Variants in ZNF493 observed in about 807,000 individuals in gnomAD.
ZNF493 encodes the protein zinc finger protein 493.
ZNF493 carries 11 observed loss-of-function variants against 12.2 expected under a neutral mutation model. The ratio of observed to expected loss-of-function variants is 0.90; its 90% CI spans 0.57 to 1.50. The LOEUF (loss-of-function observed/expected upper bound fraction) is 1.50. Ranked by LOEUF, ZNF493 falls within the 40% of genes most tolerant of loss-of-function variation. ZNF493 has a pLI of 0.00. For missense variants in ZNF493, 950 were observed against 906.6 expected (o/e 1.05, Z -0.61); for synonymous variants, 286 against 302.6 (o/e 0.95, Z 0.57).
intron 1 of ZNF493, chr19:21,398,180 TA>T (rs1974203564): frequency 6.5e-6 from 1 of 152,838 alleles, no homozygotes; most frequent in African/African-American, 2.4e-5. Context: ...CTGACGTTCC[TA>T]AATGCCACCT....
Position 21,425,781 on chromosome 19 carries a change from G to C in ZNF493, c.*797G>C, listed in dbSNP as rs1054613757. 2 of 581,776 alleles carry C rather than the reference G, an allele frequency of 3.4e-6. No individual in the cohort carries two copies. Among genetic ancestry groups the C allele is most frequent in the African/African-American group, 3.8e-5 (2 of 52,796 alleles). 36.0% of individuals were successfully genotyped at this position (581,776 alleles called of 1,614,324 possible). On this transcript the variant is annotated 3_prime_UTR_variant, in exon 4 of 4. Coordinates refer to ENST00000392288, the MANE Select transcript of ZNF493 (RefSeq NM_001076678.3). The stretch of plus-strand genomic sequence containing the variant: ...TACTGGAGAAAAATCTTACAAATGT[G>C]AAGAATGTGGCAAAGCCTTTATCCA...
At chr19:21,404,953 G>A (rs545304000) in intron 1 of ZNF493, among the ~76,000 whole-genome samples, 176 bp from the exon 2 acceptor site, 9 of 149,774 alleles carry the variant, frequency 6.0e-5, no homozygotes, top group African/African-American at 2.2e-4. Context: ...TTCTCTCAGA[G>A]TTAGAGAATA....
chr19:21,417,077 C>T (rs1372839591), intron 3 of ZNF493, among the ~76,000 whole-genome samples: 4 of 152,158 alleles, frequency 2.6e-5, no homozygotes, highest in South Asian at 2.1e-4. Flanking sequence ...GGGCCTGAGA[C>T]AGGCCCCTCA....
Position 21,425,169 on chromosome 19 carries a change from A to T in ZNF493, c.*185A>T, listed in dbSNP as rs1318133401. 2 of 757,988 alleles carry T rather than the reference A, an allele frequency of 2.6e-6. No individual in the cohort carries two copies. Among genetic ancestry groups the T allele is most frequent in the Non-Finnish European group, 4.4e-6 (2 of 451,632 alleles). The allele number at this position is 757,988 out of a possible 1,614,324, so 47.0% of individuals were successfully genotyped here. A position where few individuals can be genotyped will look rare whatever the true frequency, so the allele number is the denominator to read the frequency against. The stretch of plus-strand genomic sequence containing the variant: ...CCTTACTAAATATAAGATAATTCAT[A>T]TTGGAGAGAAATTCTACAGATGTGA... On this transcript the variant is annotated 3_prime_UTR_variant, in exon 4 of 4. Transcript: ENST00000392288.
chr19:21,404,918 G>T (rs1227554319), intron 1 of ZNF493, among the ~76,000 whole-genome samples: 1 of 148,966 alleles, frequency 6.7e-6, no homozygotes, highest in Non-Finnish European at 1.5e-5. Flanking sequence ...ATATACAGTG[G>T]TGTTGTAGAT....
chr19:21,417,741 T>C (rs995708627), intron 3 of ZNF493, among the ~76,000 whole-genome samples: 1 of 152,120 alleles, frequency 6.6e-6, no homozygotes, highest in South Asian at 2.1e-4. Flanking sequence ...AATTTGAGGA[T>C]GGGCCTGGGT....
chr19:21,405,517 T>C lies in ZNF493; in HGVS notation c.158-244T>C. ...TTCAGAAATTTAGTAGTATAAAATA[T>C]TGTTGTCCATATGTTAAAATCTATA... is the stretch of plus-strand genomic sequence containing the variant. On this transcript the variant is annotated intron_variant, in intron 2 of 3. Coordinates refer to ENST00000392288, the MANE Select transcript of ZNF493 (RefSeq NM_001076678.3). 3 of 1,331,448 alleles carry C rather than the reference T, an allele frequency of 2.3e-6. No homozygotes were observed. In the South Asian group the frequency reaches 6.0e-5, roughly 27 times the overall value. The allele number at this position is 1,331,448 out of a possible 1,614,324, so 82.5% of individuals were successfully genotyped here.
At chr19:21,413,059 T>C in intron 3 of ZNF493, 1 of 293,514 alleles carries the variant, frequency 3.4e-6, no homozygotes, top group Non-Finnish European at 6.6e-6. Context: ...GACTGAGAGG[T>C]GCAATTTAAG....
chr19:21,424,611 A>G lies in ZNF493; in HGVS notation c.1952A>G (p.His651Arg), dbSNP rs534555342. ...CACCTCGCTGGGCACAAGCAAATTCATAGTGTACAAAAACCCTACAAATGT... is the reference window on the plus strand; with the variant it reads ...CACCTCGCTGGGCACAAGCAAATTCGTAGTGTACAAAAACCCTACAAATGT... Reference protein sequence around the residue: ...SSHLAGHKQIHSVQKPYKCEE... With the variant: ...SSHLAGHKQIRSVQKPYKCEE... Residue 651 changes from histidine (H) to arginine (R), a missense_variant, in exon 4 of 4, where the codon CAT becomes CGT. By Grantham distance (29) the His-to-Arg change is conservative (BLOSUM62 0). Coordinates refer to ENST00000392288, the MANE Select transcript of ZNF493 (RefSeq NM_001076678.3). 11 of 1,613,610 alleles carry G rather than the reference A, an allele frequency of 6.8e-6. No homozygotes were observed. Among genetic ancestry groups the G allele is most frequent in the Middle Eastern group, 1.6e-4 (1 of 6,062 alleles).
At chr19:21,403,320 G>A (rs191234499) in intron 1 of ZNF493, among the ~76,000 whole-genome samples, 305 of 152,332 alleles carry the variant, frequency 2.0e-3, no homozygotes, top group African/African-American at 6.3e-3. Context: ...GAACTGTTCC[G>A]TTTGGTTTTG....
rs1227722889 is a variant in ZNF493, at chr19:21,423,345, G to A, written c.686G>A (p.Arg229Lys). Residue 229 changes from arginine (R) to lysine (K), a missense_variant, in exon 4 of 4, where the codon AGG (arginine) becomes AAG (lysine). Arg to Lys is a conservative substitution (Grantham distance 26). Coordinates refer to ENST00000392288, the MANE Select transcript of ZNF493 (RefSeq NM_001076678.3). Reference protein sequence around the residue: ...FIWFSTLTRHRRVHTGEKSYK... With the variant: ...FIWFSTLTRHKRVHTGEKSYK... ...TGGTTTTCAACCCTTACTAGACACA[G>A]GAGAGTTCATACTGGAGAGAAATCC... The A allele has an allele frequency of 6.2e-7, 1 of 1,612,376 alleles. No individual in the cohort carries two copies. Among genetic ancestry groups the A allele is most frequent in the Non-Finnish European group, 8.5e-7 (1 of 1,179,392 alleles).
At chr19:21,410,021 A>G (rs929035908) in intron 3 of ZNF493, among the ~76,000 whole-genome samples, 1 of 149,304 alleles carries the variant, frequency 6.7e-6, no homozygotes, top group East Asian at 2.0e-4. Context: ...AAATGTGACA[A>G]TATTTTCTTC....
chr19:21,425,071 A>G lies in ZNF493; in HGVS notation c.*87A>G, dbSNP rs957945529. ...CACCAGTACTTTACCCTTAATACAC[A>G]TAAGATAATTAATGCTGGAGAGAAA... is the stretch of plus-strand genomic sequence containing the variant. On this transcript the variant is annotated 3_prime_UTR_variant, in exon 4 of 4. Transcript: ENST00000392288. The G allele has an allele frequency of 1.7e-4, 247 of 1,426,232 alleles. No homozygotes were observed. Among genetic ancestry groups the G allele is most frequent in the Middle Eastern group, 5.4e-4 (3 of 5,558 alleles). 88.3% of individuals were successfully genotyped at this position (1,426,232 alleles called of 1,614,324 possible).
intron 1 of ZNF493, among the ~76,000 whole-genome samples, chr19:21,399,667 T>A (rs909473613): frequency 6.6e-6 from 1 of 152,250 alleles, no homozygotes; most frequent in East Asian, 1.9e-4. Context: ...AAAATTCTCA[T>A]GTACCTTTTT....
Position 21,426,528 on chromosome 19 carries a change from G to T in ZNF493, c.*1544G>T, listed in dbSNP as rs1017959820. ...GATGAACATTACAACCATAAAGAGG[G>T]TTGAAGTACCTTTACTTGTATCAGA... On this transcript the variant is annotated 3_prime_UTR_variant, in exon 4 of 4. Transcript: ENST00000392288. The T allele has an allele frequency of 6.0e-6, 1 of 166,928 alleles. No individual in the cohort carries two copies. The highest frequency in any genetic ancestry group is 1.5e-5 in the Non-Finnish European group (1 of 68,116). 10.3% of individuals were successfully genotyped at this position (166,928 alleles called of 1,614,324 possible). A position where few individuals can be genotyped will look rare whatever the true frequency, so the allele number is the denominator to read the frequency against.
In ZNF493 at chr19:21,423,459, G is replaced by A. The variant is rs757224712; in HGVS notation, c.800G>A (p.Cys267Tyr). 15 of 1,613,666 alleles carry A rather than the reference G, an allele frequency of 9.3e-6. No homozygotes were observed. The highest frequency in any genetic ancestry group is 1.3e-5 in the African/African-American group (1 of 75,002). The part of the protein sequence containing the change: ...RIHTGQKPYK[C>Y]EECGTSFYQF... ...CATACTGGACAGAAACCCTACAAAT[G>A]TGAAGAATGTGGCACATCTTTCTAC... The change falls in exon 4 of 4, where the codon TGT (cysteine) becomes TAT (tyrosine). Residue 267 changes from cysteine to tyrosine, a missense_variant. By Grantham distance (194) the Cys-to-Tyr change is radical (BLOSUM62 -2). Transcript: ENST00000392288.
intron 3 of ZNF493, among the ~76,000 whole-genome samples, chr19:21,415,613 T>C (rs1046748996): frequency 1.2e-4 from 18 of 152,314 alleles, no homozygotes; most frequent in African/African-American, 4.3e-4. Flanking sequence ...GCACAAAGTA[T>C]ATCAACCATA....
intron 3 of ZNF493, among the ~76,000 whole-genome samples, chr19:21,420,928 T>C (rs2030658473): frequency 6.6e-6 from 1 of 151,628 alleles, no homozygotes; most frequent in Non-Finnish European, 1.5e-5. Context: ...TTTGTATTTT[T>C]AGTAGAGATG....
chr19:21,400,606 T>G (rs1007198967), intron 1 of ZNF493, among the ~76,000 whole-genome samples: 4 of 152,078 alleles, frequency 2.6e-5, no homozygotes, highest in African/African-American at 9.7e-5. Flanking sequence ...AAAGGCCTAG[T>G]TAGTTTTTTT....
Sources: gnomAD v4.1 joint callset for allele counts (sites outside exome capture counted in the v4.1 genomes callset) on GRCh38, gnomAD v4.1.1 for gene constraint, MANE v1.5 for transcripts, NCBI Gene and HGNC (gene_info 2026-07-23, HGNC 2026-07-21) for gene names.